ANGPTL2: variants seen among roughly 807,000 people sequenced by gnomAD.
The protein encoded by ANGPTL2 is angiopoietin like 2, also known as angiopoietin-related protein 2.
A neutral mutation model predicts 52.8 loss-of-function variants in ANGPTL2; 25 were observed. That is an observed-to-expected ratio of 0.47 (90% CI 0.35 to 0.66). The LOEUF (loss-of-function observed/expected upper bound fraction) is 0.66. ANGPTL2 is among the 30% of genes least tolerant of loss of function. The pLI, the probability that ANGPTL2 is intolerant of heterozygous loss-of-function variation, is 0.01. For synonymous variants in ANGPTL2, 276 were observed against 277.4 expected, an observed-to-expected ratio of 1.00 and a Z score of 0.05; for missense variants, 546 against 656.9, an observed-to-expected ratio of 0.83 and a Z score of 1.84.
chr9:127,100,269 G>A (rs1303056559), intron 2 of ANGPTL2, among the ~76,000 whole-genome samples: 3 of 152,172 alleles, frequency 2.0e-5, no homozygotes, highest in Non-Finnish European at 4.4e-5. Context: ...TCTATTAAAT[G>A]TGTGAGGTAG....
chr9:127,105,735 T>C (rs1341689261), intron 2 of ANGPTL2, among the ~76,000 whole-genome samples: 1 of 152,212 alleles, frequency 6.6e-6, no homozygotes, highest in Non-Finnish European at 1.5e-5. Context: ...GATGTGCTGA[T>C]GTTAGGGACT....
chr9:127,104,228 G>T (rs1249562946), intron 2 of ANGPTL2, among the ~76,000 whole-genome samples: 2 of 152,222 alleles, frequency 1.3e-5, no homozygotes, highest in Non-Finnish European at 2.9e-5. Flanking sequence ...TTAAAGATTA[G>T]TTTCTGACAA....
chr9:127,097,051 G>T (rs920384669), intron 2 of ANGPTL2, among the ~76,000 whole-genome samples: 3 of 152,162 alleles, frequency 2.0e-5, no homozygotes, highest in African/African-American at 7.2e-5. Flanking sequence ...CAAGAATGAG[G>T]GATCCATGCT....
chr9:127,092,269 G>T (rs73591293), intron 3 of ANGPTL2, among the ~76,000 whole-genome samples: 1 of 152,150 alleles, frequency 6.6e-6, no homozygotes, highest in South Asian at 2.1e-4. Context: ...AAGTAGGCAC[G>T]CAGCAGGCAT....
intron 2 of ANGPTL2, among the ~76,000 whole-genome samples, chr9:127,103,278 A>C (rs184841377): frequency 3.4e-4 from 52 of 152,372 alleles, no homozygotes; most frequent in African/African-American, 1.2e-3. Flanking sequence ...ACTCTTGTTC[A>C]AGTTGTCCAT....
intron 1 of ANGPTL2, among the ~76,000 whole-genome samples, chr9:127,121,464 C>T (rs1372865203): frequency 6.6e-6 from 1 of 152,226 alleles, no homozygotes; most frequent in African/African-American, 2.4e-5. Context: ...AGATGCTTTT[C>T]CAAGTAACTG....
In ANGPTL2 at chr9:127,108,349, C is replaced by T. The variant is rs1393923800; in HGVS notation, c.383G>A (p.Arg128His). The change falls in exon 2 of 5, where the codon CGC becomes CAC. Residue 128 changes from arginine to histidine, a missense_variant. Arg to His is a conservative substitution (Grantham distance 29). Coordinates refer to ENST00000373425, the MANE Select transcript of ANGPTL2 (RefSeq NM_012098.3). ...SEVKLLRKES[R>H]NMNSRVTQLY... ...CTGCGTGACCCGCGAGTTCATGTTG[C>T]GGCTCTCCTTGCGCAGCAGCTTCAC... is the stretch of plus-strand genomic sequence containing the variant. 3.7e-6 allele frequency: 6 copies of T among 1,612,194 alleles called. No homozygotes were observed. Among genetic ancestry groups the T allele is most frequent in the Non-Finnish European group, 5.1e-6 (6 of 1,179,054 alleles).
chr9:127,109,333 C>G (rs1294991016), intron 1 of ANGPTL2, among the ~76,000 whole-genome samples: 1 of 152,226 alleles, frequency 6.6e-6, no homozygotes, highest in Non-Finnish European at 1.5e-5. Flanking sequence ...TGATTCAACC[C>G]TGTATTCCCA....
intron 1 of ANGPTL2, among the ~76,000 whole-genome samples, chr9:127,110,320 C>T (rs954296397): frequency 5.3e-5 from 8 of 152,190 alleles, no homozygotes; most frequent in Admixed American, 1.3e-4. Flanking sequence ...GGGCTCCCTT[C>T]TTGACCTTCC....
chr9:127,118,421 TA>T (rs2055677882), intron 1 of ANGPTL2, among the ~76,000 whole-genome samples: 1 of 152,228 alleles, frequency 6.6e-6, no homozygotes, highest in South Asian at 2.1e-4. Flanking sequence ...GTGTTTTATA[TA>T]AATTCACAAA....
intron 1 of ANGPTL2, among the ~76,000 whole-genome samples, chr9:127,113,804 C>T (rs891994374): frequency 4.1e-4 from 63 of 152,318 alleles, no homozygotes; most frequent in African/African-American, 1.4e-3. Flanking sequence ...ACCCAGTCTC[C>T]GGTGGGCTGC....
At position 127,093,777 on chromosome 9, in the gene ANGPTL2, G is replaced by A. The variant is rs1401857481; in HGVS notation, c.967C>T (p.Leu323=). 8.1e-6 allele frequency: 13 copies of A among 1,614,104 alleles called. No individual in the cohort carries two copies. The highest frequency in any genetic ancestry group is 1.1e-5 in the Non-Finnish European group (13 of 1,180,026). Residue 323 remains leucine, a synonymous_variant, in exon 3 of 5, where the codon CTG becomes TTG. Coordinates refer to ENST00000373425, the MANE Select transcript of ANGPTL2 (RefSeq NM_012098.3). ...CTGAAGAAGTTAACAGAGCCATCCA[G>A]GCGTCTCTGGATGACGGTCCAGCCC... ...PGGWTVIQRR[L]DGSVNFFRNW...
chr9:127,093,626 T>C (rs2136486404), intron 3 of ANGPTL2, 107 bp downstream of exon 3: 1 of 1,365,852 alleles, frequency 7.3e-7, no homozygotes, highest in East Asian at 2.3e-5. Context: ...GGCCTGGGCT[T>C]GGTCAGCATG....
rs937316706 is a variant in ANGPTL2, at chr9:127,091,677, G to A, written c.1275C>T (p.Val425=). 3 of 1,613,608 alleles carry A rather than the reference G, an allele frequency of 1.9e-6. No homozygotes were observed. The Admixed American group carries it at 5.0e-5, about 27-fold the overall frequency. Residue 425 remains valine, a synonymous_variant, in exon 4 of 5, where the codon GTC becomes GTT. Coordinates refer to ENST00000373425, the MANE Select transcript of ANGPTL2 (RefSeq NM_012098.3). This position sits in a 1 kb window ranked among gnomAD's most constrained non-coding sequence, Gnocchi z 4.3. ...TGACTCCACTTTTCCTACCTGTGTA[G>A]ACATCATGATCTCTGTCCAGGGTGG... ...QFTTLDRDHD[V]YTGNCAHYQK...
chr9:127,105,415 C>T (rs2054128298), intron 2 of ANGPTL2, among the ~76,000 whole-genome samples: 1 of 152,228 alleles, frequency 6.6e-6, no homozygotes, highest in Admixed American at 6.5e-5. Flanking sequence ...AGGAATAGAA[C>T]TGTGCCCCTG....
At chr9:127,093,503 G>GT (rs1289628264) in intron 3 of ANGPTL2, among the ~76,000 whole-genome samples, 5 of 152,226 alleles carry the variant, frequency 3.3e-5, no homozygotes, top group African/African-American at 9.6e-5. Flanking sequence ...TCCTGCAGCA[G>GT]TTTCTAGCAG....
At chr9:127,098,139 G>T (rs555240749) in intron 2 of ANGPTL2, among the ~76,000 whole-genome samples, 1 of 152,332 alleles carries the variant, frequency 6.6e-6, no homozygotes, top group South Asian at 2.1e-4. Context: ...ATATTTACCA[G>T]TAGATGTTTT....
intron 2 of ANGPTL2, among the ~76,000 whole-genome samples, chr9:127,104,334 C>T (rs1225956587): frequency 1.3e-5 from 2 of 152,202 alleles, no homozygotes; most frequent in Non-Finnish European, 2.9e-5. Context: ...ATGTGTGGCT[C>T]TGCCTTGGGT....
intron 1 of ANGPTL2, among the ~76,000 whole-genome samples, chr9:127,109,599 CAG>C (rs1028468728): frequency 1.3e-5 from 2 of 152,246 alleles, no homozygotes; most frequent in Admixed American, 6.5e-5. Flanking sequence ...GAGCAGAACA[CAG>C]AATGTGTCTC....
Sources: gnomAD v4.1 joint callset for allele counts (sites outside exome capture counted in the v4.1 genomes callset) on GRCh38, gnomAD v4.1.1 for gene constraint, Gnocchi (gnomAD v3.1) non-coding constraint, MANE v1.5 for transcripts, NCBI Gene and HGNC (gene_info 2026-07-23, HGNC 2026-07-21) for gene names.